Variants in SLC35F4 observed in about 807,000 individuals in gnomAD.
The protein encoded by SLC35F4 is chromosome 14 open reading frame 36.
Under a neutral mutation model 44.2 loss-of-function variants are expected in SLC35F4, and 24 were observed. That is an observed-to-expected ratio of 0.54 (90% CI 0.39 to 0.76). The LOEUF (loss-of-function observed/expected upper bound fraction) is 0.76, where lower values mean the gene tolerates loss of function less well. Among genes scored for constraint, SLC35F4 ranks in the 30% least tolerant of loss-of-function variants. The pLI, the probability that SLC35F4 is intolerant of heterozygous loss-of-function variation, is 0.00. For synonymous variants in SLC35F4, 238 were observed against 223.6 expected (o/e 1.06, Z -0.57); for missense variants, 562 against 586.1 (o/e 0.96, Z 0.42).
chr14:57,878,950 G>A (rs1419408909), intron 1 of SLC35F4, among the ~76,000 whole-genome samples: 7 of 152,076 alleles, frequency 4.6e-5, no homozygotes, highest in Non-Finnish European at 1.0e-4. Context: ...TTTTGATGTT[G>A]TCTTATGAAC....
At chr14:57,853,321 A>G (rs1886758027) in intron 1 of SLC35F4, among the ~76,000 whole-genome samples, 1 of 152,252 alleles carries the variant, frequency 6.6e-6, no homozygotes, top group Admixed American at 6.5e-5. Context: ...TCTCAGGGCC[A>G]GAAGAGAGAA....
intron 1 of SLC35F4, among the ~76,000 whole-genome samples, chr14:57,875,587 A>T (rs1888382524): frequency 6.6e-6 from 1 of 152,156 alleles, no homozygotes; most frequent in Admixed American, 6.5e-5. Context: ...CGTCTAGTGG[A>T]TGGGAGATTG....
intron 1 of SLC35F4, among the ~76,000 whole-genome samples, chr14:57,949,104 T>C (rs1890087806): frequency 6.6e-6 from 1 of 152,096 alleles, no homozygotes; most frequent in Admixed American, 6.5e-5. Context: ...CTTGATTATC[T>C]GTCTAGTGCT....
chr14:57,717,464 G>A (rs1182277314), intron 1 of SLC35F4, among the ~76,000 whole-genome samples: 4 of 151,968 alleles, frequency 2.6e-5, no homozygotes, highest in Admixed American at 2.0e-4. Flanking sequence ...GTGAAATCCT[G>A]TCTCTACTAA....
upstream of SLC35F4, among the ~76,000 whole-genome samples, chr14:57,869,197 G>GTT (rs147513546): frequency 3.5e-3 from 499 of 142,586 alleles, 15 homozygotes; most frequent in East Asian, 0.078. Context: ...ACGTGTTGTG[G>GTT]TTTTTTTTTT....
At chr14:57,592,797 A>C (rs2070273300) in intron 2 of SLC35F4, among the ~76,000 whole-genome samples, 1 of 151,948 alleles carries the variant, frequency 6.6e-6, no homozygotes, top group South Asian at 2.1e-4. Flanking sequence ...GAATCCTCTG[A>C]ATTGTCATTT....
chr14:57,723,943 C>T (rs1421249544), intron 1 of SLC35F4, among the ~76,000 whole-genome samples: 5 of 152,158 alleles, frequency 3.3e-5, no homozygotes, highest in Non-Finnish European at 7.3e-5. Context: ...GATCTTCTAC[C>T]TCAGTAAAAT....
At chr14:57,794,363 C>A (rs1295752466) in intron 1 of SLC35F4, among the ~76,000 whole-genome samples, 1 of 151,936 alleles carries the variant, frequency 6.6e-6, no homozygotes, top group Non-Finnish European at 1.5e-5. Flanking sequence ...AAAAAATAAT[C>A]CCAAGAAAAA....
At chr14:57,939,912 G>A (rs1889885497) in intron 1 of SLC35F4, among the ~76,000 whole-genome samples, 1 of 152,192 alleles carries the variant, frequency 6.6e-6, no homozygotes, top group Admixed American at 6.5e-5. Flanking sequence ...AGAAAGTGAT[G>A]GGTAAATGGT....
intron 1 of SLC35F4, among the ~76,000 whole-genome samples, chr14:57,848,471 A>C (rs998102932): frequency 1.3e-5 from 2 of 152,232 alleles, no homozygotes; most frequent in Non-Finnish European, 2.9e-5. Flanking sequence ...CAGGAGATTC[A>C]AAAAGCCTTC....
At position 57,956,425 on chromosome 14, in the gene SLC35F4, C is replaced by T. The variant is rs148159735; in HGVS notation, n.282+25488G>A. Among the ~76,000 whole-genome samples the T allele has an allele frequency of 4.3e-3, 654 of 152,162 alleles. 2 individuals carry two copies. Among genetic ancestry groups the T allele is most frequent in the Middle Eastern group, 0.017 (5 of 294 alleles). On this transcript the variant is annotated intron_variant and non_coding_transcript_variant, in intron 1 of 1. Transcript: ENST00000556568. ...ATACCAAAAGCAATGGCAACAAAAG[C>T]CAAAATTGACAAATGGGATCTAATT...
At position 57,949,992 on chromosome 14, in the gene SLC35F4, T is replaced by A. The variant is rs77118032; in HGVS notation, n.282+31921A>T. Among the ~76,000 whole-genome samples the A allele has an allele frequency of 0.02, 3,116 of 152,310 alleles. 344 individuals carry two copies. The East Asian group carries it at 0.35, about 17-fold the overall frequency. The stretch of plus-strand genomic sequence containing the variant: ...TTTGTCTTGACTTTACATATCCTGA[T>A]GACTATGTGCCTAGGTGATGATCTT... On this transcript the variant is annotated intron_variant and non_coding_transcript_variant, in intron 1 of 1. Transcript: ENST00000556568.
At chr14:57,714,347 C>T (rs1466851758) in intron 1 of SLC35F4, among the ~76,000 whole-genome samples, 3 of 152,096 alleles carry the variant, frequency 2.0e-5, no homozygotes, top group Non-Finnish European at 4.4e-5. Flanking sequence ...TTTTATTATT[C>T]ACTCTTTTGA....
At chr14:57,604,348 C>G (rs1172592930) in intron 1 of SLC35F4, 2 of 151,956 alleles carry the variant, frequency 1.3e-5, no homozygotes, top group Non-Finnish European at 2.9e-5. Flanking sequence ...TAAATTGAAG[C>G]AAAATAGATA....
intron 1 of SLC35F4, among the ~76,000 whole-genome samples, chr14:57,958,866 G>A (rs939918763): frequency 2.6e-5 from 4 of 152,196 alleles, no homozygotes; most frequent in African/African-American, 9.7e-5. Context: ...CTGCCTAGAA[G>A]GTCTAACTCC....
intron 1 of SLC35F4, among the ~76,000 whole-genome samples, chr14:57,789,964 T>C (rs567477969): frequency 1.3e-5 from 2 of 152,054 alleles, no homozygotes; most frequent in African/African-American, 4.8e-5. Flanking sequence ...GCTAAAACAC[T>C]CAAGAAACTA....
rs145922189 is a variant in SLC35F4 at position 57,899,866 on chromosome 14, C to T, written n.282+82047G>A. Among the ~76,000 whole-genome samples the T allele has an allele frequency of 6.0e-3, 912 of 152,128 alleles. 8 individuals are homozygous for T. The highest frequency in any genetic ancestry group is 0.021 in the African/African-American group (876 of 41,488). On this transcript the variant is annotated intron_variant and non_coding_transcript_variant, in intron 1 of 1. Transcript: ENST00000556568. ...TACAGCTCTTAAAGATGGCACGGAC[C>T]CAAAGTGTGAGTGGTAGAAAGGTTT...
At chr14:57,752,687 C>G (rs888758773) in intron 1 of SLC35F4, among the ~76,000 whole-genome samples, 3 of 152,196 alleles carry the variant, frequency 2.0e-5, no homozygotes, top group Non-Finnish European at 4.4e-5. Context: ...TCTCAATCTC[C>G]TGACCTCATG....
intron 1 of SLC35F4, chr14:57,630,893 G>A: frequency 1.1e-6 from 1 of 875,188 alleles, no homozygotes; most frequent in Non-Finnish European, 1.4e-6. Context: ...GTTATGAGCA[G>A]CCACCAATTT....
Sources: allele counts gnomAD v4.1 joint callset (sites outside exome capture counted in the v4.1 genomes callset), GRCh38; gene constraint gnomAD v4.1.1; transcripts MANE v1.5; gene names NCBI Gene and HGNC (gene_info 2026-07-23, HGNC 2026-07-21).